The following GRM5 variants were observed in gnomAD, a reference collection of about 807,000 sequenced individuals.
GRM5 encodes metabotropic glutamate receptor 5.
GRM5 carries 19 observed loss-of-function variants against 83.1 expected under a neutral mutation model. The observed-to-expected ratio is 0.23, with a 90% CI of 0.16 to 0.34. The LOEUF (loss-of-function observed/expected upper bound fraction) is 0.34, where lower values mean the gene tolerates loss of function less well. Ranked by LOEUF, GRM5 falls within the 10% of genes least tolerant of loss-of-function variation. The pLI, the probability that GRM5 is intolerant of heterozygous loss-of-function variation, is 1.00. For synonymous variants in GRM5, 675 were observed against 633.6 expected (o/e 1.07, Z -0.98); for missense variants, 1,160 against 1,588.3 (o/e 0.73, Z 4.58).
chr11:88,928,275 C>T (rs1319217681), intron 2 of GRM5, among the ~76,000 whole-genome samples: 3 of 151,950 alleles, frequency 2.0e-5, no homozygotes, highest in Admixed American at 6.6e-5. Context: ...TAATTGTAGG[C>T]GAATCATTTC....
At chr11:88,609,218 CG>C (rs1938250870) in intron 4 of GRM5, among the ~76,000 whole-genome samples, 1 of 152,126 alleles carries the variant, frequency 6.6e-6, no homozygotes, top group African/African-American at 2.4e-5. Context: ...CAATGTTTAG[CG>C]CCCACTTATA....
rs548363262 is a variant in GRM5, at chr11:88,774,312, T to A, written c.911+75594A>T. ...GCACATTGATTTTGTATCCTGAGAC[T>A]TTGCTGAAGTTGCTTATCAGCTTAA... is the stretch of plus-strand genomic sequence containing the variant. On this transcript the variant is annotated intron_variant, in intron 3 of 9. Transcript: ENST00000305447. Among the ~76,000 whole-genome samples, 405 of 152,348 alleles carry A rather than the reference T, an allele frequency of 2.7e-3. 2 individuals are homozygous for A. The highest frequency in any genetic ancestry group is 2.2e-3 in the Non-Finnish European group (149 of 68,032).
intron 2 of GRM5, among the ~76,000 whole-genome samples, chr11:88,884,028 C>T (rs1404743392): frequency 6.6e-6 from 1 of 152,120 alleles, no homozygotes; most frequent in South Asian, 2.1e-4. Context: ...CACACAGAGT[C>T]CCCACTAGGG....
At chr11:88,557,469 T>C (rs559557991) in intron 8 of GRM5, among the ~76,000 whole-genome samples, 2 of 152,194 alleles carry the variant, frequency 1.3e-5, no homozygotes, top group South Asian at 4.2e-4. Context: ...TGGAATTGGA[T>C]GTCTAAAGTG....
chr11:88,899,948 A>G (rs1400274805), intron 2 of GRM5, among the ~76,000 whole-genome samples: 5 of 152,012 alleles, frequency 3.3e-5, no homozygotes, highest in Non-Finnish European at 1.5e-5. Flanking sequence ...GATCCTCCCA[A>G]CTTCATTTAA....
At chr11:88,999,949 G>A (rs1447203545) in intron 2 of GRM5, among the ~76,000 whole-genome samples, 1 of 152,204 alleles carries the variant, frequency 6.6e-6, no homozygotes, top group African/African-American at 2.4e-5. Flanking sequence ...GGACATGGAT[G>A]AAGCTGGAAA....
chr11:88,997,947 G>T lies in GRM5; in HGVS notation c.661+49265C>A, dbSNP rs542815975. Reference sequence around the variant, plus strand: ...AAGAGTAGGGAGTACTTCTCAATATGCTTTATGAATATAGTACATTCATGA... The same window carrying T: ...AAGAGTAGGGAGTACTTCTCAATATTCTTTATGAATATAGTACATTCATGA... On this transcript the variant is annotated intron_variant, in intron 2 of 9. Coordinates refer to ENST00000305447, the MANE Select transcript of GRM5 (RefSeq NM_001143831.3). 2.0e-5 allele frequency among the ~76,000 whole-genome samples: 3 copies of T among 152,010 alleles called. No homozygotes were observed. The South Asian group carries it at 6.2e-4, about 32-fold the overall frequency.
At chr11:88,960,831 A>C (rs1423411737) in intron 2 of GRM5, among the ~76,000 whole-genome samples, 3 of 152,204 alleles carry the variant, frequency 2.0e-5, no homozygotes, top group Non-Finnish European at 4.4e-5. Context: ...TCCTTAGTAT[A>C]AACAGTAAGC....
chr11:88,758,010 C>A (rs1007409503), intron 3 of GRM5, among the ~76,000 whole-genome samples: 13 of 152,066 alleles, frequency 8.5e-5, no homozygotes, highest in African/African-American at 3.1e-4. Context: ...TAAAATCTCC[C>A]AGAAATAAAG....
At chr11:88,798,104 T>G (rs1185400039) in intron 3 of GRM5, among the ~76,000 whole-genome samples, 2 of 152,178 alleles carry the variant, frequency 1.3e-5, no homozygotes, top group Non-Finnish European at 2.9e-5. Context: ...CTCCTCTTTT[T>G]TCCTTAAGTC....
intron 2 of GRM5, among the ~76,000 whole-genome samples, chr11:88,898,036 A>G (rs693008): frequency 0.82 from 125,122 of 151,774 alleles, 53,195 homozygotes; most frequent in Non-Finnish European, 0.95. Flanking sequence ...AGAAGAACAA[A>G]TTGCAGGACC....
At chr11:88,580,985 G>A (rs1943204521) in intron 7 of GRM5, among the ~76,000 whole-genome samples, 1 of 152,196 alleles carries the variant, frequency 6.6e-6, no homozygotes, top group African/African-American at 2.4e-5. Flanking sequence ...GCATGCGCCT[G>A]TAGTCACAGC....
chr11:88,664,729 G>A (rs1939996332), intron 3 of GRM5, among the ~76,000 whole-genome samples: 1 of 152,058 alleles, frequency 6.6e-6, no homozygotes, highest in African/African-American at 2.4e-5. Context: ...TTACAGGTGT[G>A]AGCCACAGTG....
chr11:88,521,809 AG>A (rs1941699043), intron 9 of GRM5, among the ~76,000 whole-genome samples: 1 of 152,198 alleles, frequency 6.6e-6, no homozygotes, highest in Non-Finnish European at 1.5e-5. Flanking sequence ...TTCCTTTCCC[AG>A]CATGAGGGTT....
intron 3 of GRM5, among the ~76,000 whole-genome samples, chr11:88,663,475 T>G (rs537221695): frequency 1.3e-5 from 2 of 152,352 alleles, no homozygotes; most frequent in East Asian, 3.9e-4. Context: ...TTGAGGCTAT[T>G]GTATAAAATG....
chr11:88,546,577 G>A (rs1006615543), intron 8 of GRM5, among the ~76,000 whole-genome samples: 3 of 152,010 alleles, frequency 2.0e-5, no homozygotes, highest in African/African-American at 7.2e-5. Flanking sequence ...TTAGGAAGAT[G>A]TATACACATA....
chr11:88,806,760 A>AT lies in GRM5; in HGVS notation c.911+43145dup, dbSNP rs571521966. On this transcript the variant is annotated intron_variant, in intron 3 of 9. Transcript: ENST00000305447. Reference sequence around the variant, plus strand: ...TCATGTGGGCATACAGTATTTTAGGATTTTTTTTGGTATCCTGTGAAACTT... The same window carrying AT: ...TCATGTGGGCATACAGTATTTTAGGATTTTTTTTTGGTATCCTGTGAAACTT... Among the ~76,000 whole-genome samples the AT allele has an allele frequency of 1.6e-3, 250 of 151,896 alleles. 1 individual carries two copies. The highest frequency in any genetic ancestry group is 3.4e-3 in the Middle Eastern group (1 of 294).
At chr11:88,902,801 A>T (rs1945333660) in intron 2 of GRM5, among the ~76,000 whole-genome samples, 1 of 151,964 alleles carries the variant, frequency 6.6e-6, no homozygotes, top group Non-Finnish European at 1.5e-5. Context: ...AAATACAAAA[A>T]TTAGCCAGGC....
chr11:88,692,337 C>G (rs1430081574), intron 3 of GRM5, among the ~76,000 whole-genome samples: 1 of 152,010 alleles, frequency 6.6e-6, no homozygotes, highest in African/African-American at 2.4e-5. Context: ...AGTAAGTGCC[C>G]AATAAAAGCT....
Sources: gnomAD v4.1 joint callset for allele counts (sites outside exome capture counted in the v4.1 genomes callset) on GRCh38, gnomAD v4.1.1 for gene constraint, MANE v1.5 for transcripts, NCBI Gene and HGNC (gene_info 2026-07-23, HGNC 2026-07-21) for gene names.